AOPEP: variants seen among roughly 807,000 people sequenced by gnomAD.
AOPEP encodes the protein aminopeptidase O (putative), also known as aminopeptidase O.
A neutral mutation model predicts 98.1 loss-of-function variants in AOPEP; 77 were observed. The ratio of observed to expected loss-of-function variants is 0.78; its 90% CI spans 0.65 to 0.95. The LOEUF is 0.95. Among genes scored for constraint, AOPEP ranks in the 40% least tolerant of loss-of-function variants. The probability of loss-of-function intolerance (pLI) is 0.00; values close to 1 mark genes in which losing one functional copy is unlikely to be tolerated. For missense variants in AOPEP, 1,024 were observed against 1,024.7 expected, an observed-to-expected ratio of 1.00 and a Z score of 0.01; for synonymous variants, 346 against 365.3, an observed-to-expected ratio of 0.95 and a Z score of 0.60.
At chr9:95,061,708 G>C (rs2067330698) in intron 14 of AOPEP, among the ~76,000 whole-genome samples, 3 of 152,140 alleles carry the variant, frequency 2.0e-5, no homozygotes. Flanking sequence ...CATTAAAATG[G>C]AGTAATTGAG....
chr9:95,023,568 G>A (rs969698226), intron 13 of AOPEP, among the ~76,000 whole-genome samples: 3 of 152,174 alleles, frequency 2.0e-5, no homozygotes, highest in Admixed American at 1.3e-4. Flanking sequence ...ATTGATTTTG[G>A]TTGAGGTCTT....
intron 2 of AOPEP, among the ~76,000 whole-genome samples, chr9:94,768,201 C>T (rs1169624779): frequency 1.3e-5 from 2 of 152,136 alleles, no homozygotes; most frequent in Non-Finnish European, 2.9e-5. Flanking sequence ...CAGGTCAGGG[C>T]CTCATCAAGC....
intron 5 of AOPEP, among the ~76,000 whole-genome samples, chr9:94,826,204 A>G (rs753535529): frequency 6.6e-6 from 1 of 152,208 alleles, no homozygotes; most frequent in Non-Finnish European, 1.5e-5. Flanking sequence ...GACTGCTGGC[A>G]AAGCTGTTTC....
chr9:94,882,771 T>G (rs1177810584), intron 5 of AOPEP, among the ~76,000 whole-genome samples: 1 of 152,116 alleles, frequency 6.6e-6, no homozygotes, highest in Non-Finnish European at 1.5e-5. Context: ...AGACTCCGTC[T>G]CAAAAAAACA....
At chr9:94,779,831 C>T (rs1426358357) in intron 3 of AOPEP, among the ~76,000 whole-genome samples, 1 of 152,156 alleles carries the variant, frequency 6.6e-6, no homozygotes, top group Non-Finnish European at 1.5e-5. Context: ...CAGTTCTCCA[C>T]CACTTGTCTT....
At chr9:95,092,579 T>G in the AOPEP span, among the ~76,000 whole-genome samples, 2 of 152,214 alleles carry the variant, frequency 1.3e-5, no homozygotes, top group African/African-American at 4.8e-5. Flanking sequence ...GCTTTCTTTG[T>G]GCTCCTTCTG....
chr9:94,917,170 A>T (rs1250825630), intron 5 of AOPEP, among the ~76,000 whole-genome samples: 1 of 152,058 alleles, frequency 6.6e-6, no homozygotes, highest in Non-Finnish European at 1.5e-5. Flanking sequence ...AGGTCTCCAC[A>T]ACGTTCTCTC....
In AOPEP at chr9:95,074,532, C is replaced by T. The variant is rs78554225; in HGVS notation, c.2233-6162C>T. Among the ~76,000 whole-genome samples, 571 of 152,298 alleles carry T rather than the reference C, an allele frequency of 3.7e-3. 15 individuals are homozygous for T. The East Asian group carries it at 0.052, about 14-fold the overall frequency. On this transcript the variant is annotated intron_variant, in intron 14 of 16. Transcript: ENST00000375315. Reference sequence around the variant, plus strand: ...AGTATAAATTGCGCCTCTGTGTTACCCCGACCTGTACGCTAAGTGAGGGCA... The same window carrying T: ...AGTATAAATTGCGCCTCTGTGTTACTCCGACCTGTACGCTAAGTGAGGGCA...
intron 10 of AOPEP, among the ~76,000 whole-genome samples, chr9:94,977,297 G>A (rs898571223): frequency 6.6e-6 from 1 of 152,114 alleles, no homozygotes; most frequent in Non-Finnish European, 1.5e-5. Flanking sequence ...TTTGGTGGAG[G>A]GGTCAGGTTC....
chr9:95,121,426 C>T, the AOPEP span, among the ~76,000 whole-genome samples: 1 of 152,192 alleles, frequency 6.6e-6, no homozygotes, highest in African/African-American at 2.4e-5. Flanking sequence ...TAAACTGTTG[C>T]AGGAAGTGCA....
intron 13 of AOPEP, among the ~76,000 whole-genome samples, chr9:95,049,827 C>T (rs1227984591): frequency 6.6e-6 from 1 of 152,190 alleles, no homozygotes; most frequent in Non-Finnish European, 1.5e-5. Context: ...GATTTTAGAT[C>T]CATAGTTAAC....
intron 16 of AOPEP, 105 bp downstream of exon 16, chr9:95,082,824 A>ATC: frequency 7.5e-7 from 1 of 1,324,952 alleles, no homozygotes; most frequent in Non-Finnish European, 1.0e-6. Context: ...TACCCGCAGC[A>ATC]TCAATAGTCG....
chr9:94,930,686 A>T lies in AOPEP; in HGVS notation c.1661+2155A>T, dbSNP rs561378727. Among the ~76,000 whole-genome samples the T allele has an allele frequency of 6.6e-6, 1 of 152,052 alleles. No individual in the cohort carries two copies. Among genetic ancestry groups the T allele is most frequent in the African/African-American group, 2.4e-5 (1 of 41,472 alleles). On this transcript the variant is annotated intron_variant, in intron 7 of 16. Transcript: ENST00000375315. The surrounding 1 kb of genome is among the most constrained non-coding windows in gnomAD (Gnocchi z 4.5). ...TGAGGCAAGCAGGTGGGAGTGGCTG[A>T]TGTTGGAAGCTGCCTGGGGGATGAA...
At chr9:94,807,363 A>G (rs578104946) in intron 5 of AOPEP, among the ~76,000 whole-genome samples, 41 of 152,348 alleles carry the variant, frequency 2.7e-4, no homozygotes, top group African/African-American at 9.6e-4. Context: ...TTCTCCCCAC[A>G]CAAAGACTGA....
At chr9:95,021,590 G>A (rs181741713) in intron 13 of AOPEP, 3 of 152,370 alleles carry the variant, frequency 2.0e-5, no homozygotes, top group Admixed American at 2.0e-4. Context: ...CAGCATGCAT[G>A]TGTAGCTTGT....
intron 11 of AOPEP, among the ~76,000 whole-genome samples, chr9:94,982,212 A>T (rs1296634696): frequency 6.6e-6 from 1 of 152,184 alleles, no homozygotes; most frequent in Admixed American, 6.5e-5. Context: ...ACCCAGAGAC[A>T]ATTTTTTATG....
At chr9:95,079,074 C>G (rs2069417305) in intron 14 of AOPEP, among the ~76,000 whole-genome samples, 1 of 152,228 alleles carries the variant, frequency 6.6e-6, no homozygotes, top group South Asian at 2.1e-4. Context: ...GGCTATCAGC[C>G]CCTCCCAGAG....
chr9:95,083,375 A>G (rs780722923), intron 16 of AOPEP, among the ~76,000 whole-genome samples: 5 of 146,080 alleles, frequency 3.4e-5, no homozygotes, highest in Middle Eastern at 3.7e-3. Context: ...CACAGAGCAC[A>G]CGCGGCACAC....
At chr9:94,765,791 A>G (rs1027601076) in intron 2 of AOPEP, among the ~76,000 whole-genome samples, 1 of 152,162 alleles carries the variant, frequency 6.6e-6, no homozygotes, top group Non-Finnish European at 1.5e-5. Flanking sequence ...TACTTCTAAT[A>G]TGAAATATCT....
Sources: gnomAD v4.1 joint callset for allele counts (sites outside exome capture counted in the v4.1 genomes callset) on GRCh38, gnomAD v4.1.1 for gene constraint, Gnocchi (gnomAD v3.1) non-coding constraint, MANE v1.5 for transcripts, NCBI Gene and HGNC (gene_info 2026-07-23, HGNC 2026-07-21) for gene names.